The following EYS variants were observed in gnomAD, a reference collection of about 807,000 sequenced individuals.
EYS encodes the protein EGF-like photoreceptor maintenance factor, also known as protein eyes shut homolog.
EYS carries 250 observed loss-of-function variants against 282.1 expected under a neutral mutation model. That is an observed-to-expected ratio of 0.89 (90% confidence interval 0.80 to 0.98). The LOEUF is 0.98. EYS is among the 50% of genes least tolerant of loss of function. EYS has a pLI of 0.00. For missense variants in EYS, 4,016 were observed against 3,709.0 expected, an observed-to-expected ratio of 1.08 and a Z score of -2.15; for synonymous variants, 1,355 against 1,282.9, an observed-to-expected ratio of 1.06 and a Z score of -1.20.
chr6:64,218,269 AG>A (rs1280056810), intron 31 of EYS, among the ~76,000 whole-genome samples: 7 of 152,090 alleles, frequency 4.6e-5, no homozygotes, highest in Admixed American at 3.9e-4. Flanking sequence ...CCTTTCTTGG[AG>A]GATTTACTAA....
intron 33 of EYS, among the ~76,000 whole-genome samples, chr6:64,024,136 C>G (rs1769351674): frequency 6.6e-6 from 1 of 152,256 alleles, no homozygotes; most frequent in Admixed American, 6.5e-5. Context: ...GGGCGCAGGA[C>G]TGGCAGGCAG....
At chr6:63,904,083 A>C (rs1247688726) in intron 35 of EYS, among the ~76,000 whole-genome samples, 1 of 152,164 alleles carries the variant, frequency 6.6e-6, no homozygotes, top group East Asian at 1.9e-4. Flanking sequence ...GTAGTGTCTT[A>C]AATATATGAA....
intron 29 of EYS, among the ~76,000 whole-genome samples, chr6:64,328,048 C>A (rs1373345935): frequency 1.3e-5 from 2 of 152,150 alleles, no homozygotes; most frequent in Non-Finnish European, 2.9e-5. Context: ...GAATGAAGTC[C>A]AAGGGGGAGA....
At chr6:64,813,338 A>G in intron 22 of EYS, 40 bp downstream of exon 22, 1 of 1,477,162 alleles carries the variant, frequency 6.8e-7, no homozygotes, top group South Asian at 1.3e-5. Flanking sequence ...AAGCTCTCCT[A>G]AATATATATT....
At chr6:64,282,626 C>A (rs1385820446) in intron 30 of EYS, among the ~76,000 whole-genome samples, 2 of 152,132 alleles carry the variant, frequency 1.3e-5, no homozygotes, top group Non-Finnish European at 2.9e-5. Context: ...CTTGGAATTT[C>A]TGATCCACAG....
intron 30 of EYS, among the ~76,000 whole-genome samples, chr6:64,304,291 A>G (rs1002760062): frequency 2.6e-5 from 4 of 152,234 alleles, no homozygotes; most frequent in African/African-American, 9.6e-5. Flanking sequence ...AAAATATATG[A>G]AGCAAAAAAG....
intron 28 of EYS, among the ~76,000 whole-genome samples, chr6:64,404,542 G>A (rs1316431606): frequency 6.6e-6 from 1 of 152,094 alleles, no homozygotes. Context: ...TTCTCAGATA[G>A]GTATTTTAAA....
intron 31 of EYS, among the ~76,000 whole-genome samples, chr6:64,127,058 C>T (rs980030369): frequency 6.6e-6 from 1 of 152,084 alleles, no homozygotes; most frequent in African/African-American, 2.4e-5. Flanking sequence ...AAATTAAACT[C>T]TGAAAGGCAA....
intron 22 of EYS, among the ~76,000 whole-genome samples, chr6:64,786,905 C>G (rs983524988): frequency 1.3e-5 from 2 of 152,166 alleles, no homozygotes; most frequent in African/African-American, 4.8e-5. Flanking sequence ...AGATGAGGCC[C>G]TTTTCATATG....
intron 40 of EYS, among the ~76,000 whole-genome samples, chr6:63,770,057 T>C (rs1769892801): frequency 6.6e-6 from 1 of 151,956 alleles, no homozygotes. Flanking sequence ...TTATTTAGAA[T>C]AATGTATTTG....
At chr6:65,104,452 T>C (rs1192813922) in intron 12 of EYS, among the ~76,000 whole-genome samples, 2 of 151,548 alleles carry the variant, frequency 1.3e-5, no homozygotes, top group Admixed American at 6.6e-5. Context: ...TGCTAACATA[T>C]TTTTTGTTGC....
chr6:64,188,241 T>C (rs1193027959), intron 31 of EYS, among the ~76,000 whole-genome samples: 2 of 152,124 alleles, frequency 1.3e-5, no homozygotes, highest in Admixed American at 6.6e-5. Context: ...AATTTCTTTA[T>C]ATTTTGTCTC....
intron 25 of EYS, among the ~76,000 whole-genome samples, chr6:64,592,678 C>T (rs1349606325): frequency 6.6e-6 from 1 of 151,992 alleles, no homozygotes; most frequent in East Asian, 1.9e-4. Context: ...AAAAAACAGC[C>T]TGAAGTTGTT....
At chr6:64,052,810 T>G (rs1300719403) in intron 33 of EYS, among the ~76,000 whole-genome samples, 2 of 152,148 alleles carry the variant, frequency 1.3e-5, no homozygotes, top group Admixed American at 1.3e-4. Flanking sequence ...TTTCCCCACT[T>G]GCACTCATTC....
chr6:64,388,630 T>A (rs1772989988), intron 29 of EYS, 60 bp downstream of exon 29: 2 of 1,351,444 alleles, frequency 1.5e-6, no homozygotes, highest in Non-Finnish European at 2.0e-6. Flanking sequence ...CATTTATCAA[T>A]ATGATGATTT....
intron 35 of EYS, among the ~76,000 whole-genome samples, chr6:63,905,084 C>A (rs549740021): frequency 6.6e-6 from 1 of 152,166 alleles, no homozygotes; most frequent in African/African-American, 2.4e-5. Context: ...CCTCTGCGAT[C>A]ACTAATCTGC....
At chr6:64,593,033 G>C in intron 25 of EYS, 84 bp downstream of exon 25, 1 of 1,019,636 alleles carries the variant, frequency 9.8e-7, no homozygotes, top group Non-Finnish European at 1.3e-6. Flanking sequence ...AAAAAAAAAA[G>C]ATTTTAATAA....
intron 26 of EYS, among the ~76,000 whole-genome samples, chr6:64,537,496 T>C (rs1343190978): frequency 6.6e-6 from 1 of 152,136 alleles, no homozygotes; most frequent in Non-Finnish European, 1.5e-5. Flanking sequence ...TTTTAAAAAG[T>C]CCATTTTGTT....
At chr6:64,184,064 ATCT>A (rs1764861167) in intron 31 of EYS, among the ~76,000 whole-genome samples, 1 of 152,084 alleles carries the variant, frequency 6.6e-6, no homozygotes, top group African/African-American at 2.4e-5. Flanking sequence ...TAAAATAAAA[ATCT>A]TCTCACTGTG....
Sources: gnomAD v4.1 joint callset for allele counts (sites outside exome capture counted in the v4.1 genomes callset) on GRCh38, gnomAD v4.1.1 for gene constraint, MANE v1.5 for transcripts, NCBI Gene and HGNC (gene_info 2026-07-23, HGNC 2026-07-21) for gene names.